MCM9: variants seen among roughly 807,000 people sequenced by gnomAD.
The protein encoded by MCM9 is minichromosome maintenance 9 homologous recombination repair factor, also known as DNA helicase MCM9.
Under a neutral mutation model 72.8 loss-of-function variants are expected in MCM9, and 55 were observed. The ratio of observed to expected loss-of-function variants is 0.76; its 90% CI spans 0.61 to 0.95. MCM9 has a LOEUF of 0.95. Among genes scored for constraint, MCM9 ranks in the 40% least tolerant of loss-of-function variants. The pLI is 0.00. For missense variants in MCM9, 1,279 were observed against 1,377.0 expected, an observed-to-expected ratio of 0.93 and a Z score of 1.13; for synonymous variants, 480 against 503.4, an observed-to-expected ratio of 0.95 and a Z score of 0.62.
chr6:118,826,373 C>CG (rs1273707157), intron 12 of MCM9, 81 bp from the exon 13 acceptor site: 14 of 1,436,488 alleles, frequency 9.7e-6, no homozygotes, highest in Middle Eastern at 2.5e-4. Flanking sequence ...CAGCAATCCC[C>CG]GGGGGCTAAG....
intron 13 of MCM9, among the ~76,000 whole-genome samples, chr6:118,822,129 A>G (rs1357672836): frequency 6.6e-6 from 1 of 152,172 alleles, no homozygotes; most frequent in Non-Finnish European, 1.5e-5. Flanking sequence ...ACTTCTGTCA[A>G]TTCGTCAATC....
At chr6:118,827,878 G>T in intron 11 of MCM9, 49 bp downstream of exon 11, 1 of 1,516,400 alleles carries the variant, frequency 6.6e-7, no homozygotes, top group Non-Finnish European at 9.0e-7. Context: ...CCCATGCCTT[G>T]CACACACGCA....
At chr6:118,911,039 CAT>C (rs766354104) in intron 8 of MCM9, 9 of 983,922 alleles carry the variant, frequency 9.1e-6, no homozygotes, top group South Asian at 4.7e-5. Flanking sequence ...TAGCATCAAA[CAT>C]ATTTTTTAAA....
At position 118,824,866 on chromosome 6, in the gene MCM9, G is replaced by A. The variant is rs187584506; in HGVS notation, c.1961+1281C>T. On this transcript the variant is annotated intron_variant, in intron 13 of 13. Coordinates refer to ENST00000619706, the MANE Select transcript of MCM9 (RefSeq NM_017696.3). ...GTACCTGGTTTTGTTGCTTTCAGGA[G>A]GATCAACACCAGAACATGCCTCTAC... Among the ~76,000 whole-genome samples, 354 of 152,038 alleles carry A rather than the reference G, an allele frequency of 2.3e-3. 3 individuals are homozygous for A. Among genetic ancestry groups the A allele is most frequent in the African/African-American group, 8.4e-3 (347 of 41,458 alleles).
chr6:118,828,410 G>T (rs1774311211), intron 10 of MCM9, among the ~76,000 whole-genome samples: 1 of 150,842 alleles, frequency 6.6e-6, no homozygotes, highest in Admixed American at 6.6e-5. Flanking sequence ...TTTTGAGATG[G>T]AGTCTCACTC....
At position 118,816,271 on chromosome 6, in the gene MCM9, T is replaced by C. The variant is rs1773402672; in HGVS notation, c.1985A>G (p.Gln662Arg). 1 of 1,546,110 alleles carries C rather than the reference T, an allele frequency of 6.5e-7. No homozygotes were observed. Among genetic ancestry groups the C allele is most frequent in the Admixed American group, 2.0e-5 (1 of 50,502 alleles). Residue 662 changes from glutamine (Q) to arginine (R), a missense_variant, in exon 14 of 14, where the codon CAA (glutamine) becomes CGA (arginine). Gln to Arg is a conservative substitution (Grantham distance 43). Transcript: ENST00000619706. Reference sequence around the variant, plus strand: ...TACCTCCAATACCCGTGGTTGGGATTGGTGCACACTCTGATTCTGTAACCT... The same window carrying C: ...TACCTCCAATACCCGTGGTTGGGATCGGTGCACACTCTGATTCTGTAACCT... ...LERLQNQSVHQSQPRVLEVET... is the reference protein window; with the variant it reads ...LERLQNQSVHRSQPRVLEVET...
At chr6:118,930,042 T>C (rs1351310662) in intron 3 of MCM9, among the ~76,000 whole-genome samples, 1 of 152,124 alleles carries the variant, frequency 6.6e-6, no homozygotes, top group African/African-American at 2.4e-5. Flanking sequence ...AGCATTCTTA[T>C]TGATTATAAA....
At chr6:118,926,544 T>C (rs1583694759) in intron 3 of MCM9, among the ~76,000 whole-genome samples, 1 of 152,250 alleles carries the variant, frequency 6.6e-6, no homozygotes, top group Admixed American at 6.5e-5. Flanking sequence ...TGTGGTCTTT[T>C]GAATCTGGCT....
chr6:118,882,497 C>T (rs1394075285), intron 8 of MCM9, among the ~76,000 whole-genome samples: 1 of 152,172 alleles, frequency 6.6e-6, no homozygotes, highest in Non-Finnish European at 1.5e-5. Context: ...GGGGTCAGAA[C>T]AAACCTCAAG....
intron 9 of MCM9, among the ~76,000 whole-genome samples, chr6:118,845,154 C>CAGCTGAATA (rs1211601439): frequency 6.6e-6 from 1 of 151,780 alleles, no homozygotes; most frequent in Non-Finnish European, 1.5e-5. Flanking sequence ...CTACTAAGAA[C>CAGCTGAATA]AGCTGAATAA....
chr6:118,907,576 C>G (rs935751073), intron 8 of MCM9: 2 of 1,613,652 alleles, frequency 1.2e-6, no homozygotes, highest in East Asian at 4.5e-5. Context: ...AGAAAACTCA[C>G]TAAATGTCAT....
At chr6:118,925,307 C>A (rs1457314733) in intron 3 of MCM9, among the ~76,000 whole-genome samples, 4 of 152,124 alleles carry the variant, frequency 2.6e-5, no homozygotes, top group South Asian at 2.1e-4. Context: ...CAGGTAGGTA[C>A]GCCTACTGAA....
intron 9 of MCM9, among the ~76,000 whole-genome samples, chr6:118,849,457 A>AAT (rs1776090562): frequency 6.6e-6 from 1 of 150,866 alleles, no homozygotes; most frequent in Non-Finnish European, 1.5e-5. Context: ...GTGTGTGTAT[A>AAT]ATATATATAC....
chr6:118,879,021 A>G (rs146617846), intron 8 of MCM9, among the ~76,000 whole-genome samples: 1,540 of 151,830 alleles, frequency 0.01, 18 homozygotes, highest in Middle Eastern at 0.031. Context: ...ATACCACTGC[A>G]TTCCAGCCTG....
chr6:118,906,195 C>T (rs1445365710), intron 8 of MCM9, among the ~76,000 whole-genome samples: 1 of 152,166 alleles, frequency 6.6e-6, no homozygotes, highest in East Asian at 1.9e-4. Context: ...GTCTCAGCCT[C>T]CCAAGTAGCT....
chr6:118,822,176 G>A (rs1487080990), intron 13 of MCM9, among the ~76,000 whole-genome samples: 1 of 152,150 alleles, frequency 6.6e-6, no homozygotes, highest in Non-Finnish European at 1.5e-5. Flanking sequence ...TGCTGGAGAG[G>A]AGTTGCAATC....
intron 9 of MCM9, among the ~76,000 whole-genome samples, chr6:118,842,456 C>T (rs1775439957): frequency 6.6e-6 from 1 of 152,186 alleles, no homozygotes. Context: ...TGGCACTGTG[C>T]TGCCATTCAC....
chr6:118,843,734 A>ATG (rs1286214836), intron 9 of MCM9, among the ~76,000 whole-genome samples: 3 of 136,434 alleles, frequency 2.2e-5, no homozygotes, highest in East Asian at 2.1e-4. Context: ...ATATATATAT[A>ATG]TATATATGAG....
At chr6:118,869,235 G>A (rs1046796582) in intron 8 of MCM9, among the ~76,000 whole-genome samples, 2 of 152,004 alleles carry the variant, frequency 1.3e-5, no homozygotes, top group African/African-American at 4.8e-5. Context: ...ACAAGGTGGG[G>A]AACATCACAC....
Sources: allele counts gnomAD v4.1 joint callset (sites outside exome capture counted in the v4.1 genomes callset), GRCh38; gene constraint gnomAD v4.1.1; transcripts MANE v1.5; gene names NCBI Gene and HGNC (gene_info 2026-07-23, HGNC 2026-07-21).